The following DNAH7 variants were observed in gnomAD, a reference collection of about 807,000 sequenced individuals.
DNAH7 encodes dynein axonemal heavy chain 7.
Under a neutral mutation model 444.6 loss-of-function variants are expected in DNAH7, and 397 were observed. The observed-to-expected ratio is 0.89, with a 90% CI of 0.82 to 0.97. The LOEUF is 0.97. DNAH7 is among the 50% of genes least tolerant of loss of function. DNAH7 has a pLI of 0.00. For synonymous variants in DNAH7, 1,636 were observed against 1,624.4 expected (o/e 1.01, Z -0.17); for missense variants, 4,902 against 4,800.8 (o/e 1.02, Z -0.62).
intron 19 of DNAH7, among the ~76,000 whole-genome samples, chr2:195,939,840 T>C (rs939909904): frequency 7.9e-5 from 12 of 151,264 alleles, no homozygotes; most frequent in Non-Finnish European, 1.8e-4. Flanking sequence ...TCATAGAAAA[T>C]ACGGTTTTGT....
At chr2:195,888,757 C>T (rs773943420) in intron 32 of DNAH7, 42 bp downstream of exon 32, 2 of 1,567,598 alleles carry the variant, frequency 1.3e-6, no homozygotes, top group Non-Finnish European at 8.6e-7. Context: ...GCATTTATAA[C>T]ATTTTATAAT....
chr2:196,058,812 T>C (rs1310484905), intron 1 of DNAH7, among the ~76,000 whole-genome samples: 1 of 152,192 alleles, frequency 6.6e-6, no homozygotes, highest in Non-Finnish European at 1.5e-5. Flanking sequence ...CAGCTTCCCT[T>C]CTTGTAGAAA....
chr2:196,047,277 T>C, intron 5 of DNAH7, 75 bp downstream of exon 5: 1 of 1,322,298 alleles, frequency 7.6e-7, no homozygotes, highest in South Asian at 2.0e-5. Context: ...TGCACAGAAT[T>C]CTAATATTCT....
intron 19 of DNAH7, among the ~76,000 whole-genome samples, chr2:195,941,235 G>A (rs1689416338): frequency 6.6e-6 from 1 of 152,054 alleles, no homozygotes; most frequent in African/African-American, 2.4e-5. Context: ...CATAGATGAA[G>A]CTGGAAGCCA....
rs186115108 is a variant in DNAH7, at chr2:195,950,532, T to A, written c.3078+6729A>T. Among the ~76,000 whole-genome samples, 289 of 150,342 alleles carry A rather than the reference T, an allele frequency of 1.9e-3. 1 individual carries two copies. Among genetic ancestry groups the A allele is most frequent in the African/African-American group, 6.8e-3 (272 of 39,812 alleles). Reference sequence around the variant, plus strand: ...CTTCATTAGTCTGGCTAGCAGTCTATCTATTTTGTTAATCTTTCCAAAAAA... The same window carrying A: ...CTTCATTAGTCTGGCTAGCAGTCTAACTATTTTGTTAATCTTTCCAAAAAA... On this transcript the variant is annotated intron_variant, in intron 19 of 64. Coordinates refer to ENST00000312428, the MANE Select transcript of DNAH7 (RefSeq NM_018897.3).
Position 195,817,688 on chromosome 2 carries a change from T to C in DNAH7, c.9425+8A>G, listed in dbSNP as rs754864169. On this transcript the variant is annotated splice_region_variant and intron_variant, in intron 50 of 64. Coordinates refer to ENST00000312428, the MANE Select transcript of DNAH7 (RefSeq NM_018897.3). ...AATAAGAATAGTTCTGTTTATGACA[T>C]TTAAAACCTTTTATTTTCAGCTCCT... 4 of 1,600,606 alleles carry C rather than the reference T, an allele frequency of 2.5e-6. No individual in the cohort carries two copies. The highest frequency in any genetic ancestry group is 1.1e-5 in the South Asian group (1 of 87,946).
rs1301709242 is a variant in DNAH7, at chr2:196,025,943, A to C, written c.667+817T>G. ...ACTGGAGACGCTTTTTTTAAAGTAC[A>C]GATTCCAAGGCCCTGACTCCAGGGA... On this transcript the variant is annotated intron_variant, in intron 7 of 64. Transcript: ENST00000312428. Among the ~76,000 whole-genome samples the C allele has an allele frequency of 3.3e-5, 5 of 152,172 alleles. No individual in the cohort carries two copies. In the East Asian group the frequency reaches 9.6e-4, roughly 29 times the overall value.
chr2:195,900,085 A>G (rs918419514), intron 28 of DNAH7, among the ~76,000 whole-genome samples, 197 bp downstream of exon 28: 5 of 152,204 alleles, frequency 3.3e-5, no homozygotes, highest in Non-Finnish European at 5.9e-5. Flanking sequence ...TCAAATCACT[A>G]AGAATTACAC....
At chr2:195,941,370 G>A (rs768982887) in intron 19 of DNAH7, among the ~76,000 whole-genome samples, 4 of 151,018 alleles carry the variant, frequency 2.6e-5, no homozygotes, top group East Asian at 1.9e-4. Context: ...GGGGCCTGTC[G>A]GGGGTTGGGG....
intron 36 of DNAH7, among the ~76,000 whole-genome samples, chr2:195,879,526 T>C (rs1244625847): frequency 6.6e-6 from 1 of 152,184 alleles, no homozygotes; most frequent in Non-Finnish European, 1.5e-5. Context: ...ATTTATGTTT[T>C]CATAAGCTAT....
At position 195,900,503 on chromosome 2, in the gene DNAH7, A is replaced by AG. The variant is rs1686635145; in HGVS notation, c.4336-10dup. Reference sequence around the variant, plus strand: ...ACTGTCCGAAAGAGAGCCTATGGGTAGGTAGAAAGTTACTTTTAAAAGGAT... The same window carrying AG: ...ACTGTCCGAAAGAGAGCCTATGGGTAGGGTAGAAAGTTACTTTTAAAAGGAT... On this transcript the variant is annotated splice_polypyrimidine_tract_variant and intron_variant, in intron 27 of 64. Transcript: ENST00000312428. The AG allele has an allele frequency of 2.5e-6, 4 of 1,612,004 alleles. No individual in the cohort carries two copies. The African/African-American group carries it at 4.0e-5, about 16-fold the overall frequency.
chr2:195,747,063 G>GT (rs1381217923), intron 63 of DNAH7, among the ~76,000 whole-genome samples: 4 of 152,102 alleles, frequency 2.6e-5, no homozygotes, highest in Admixed American at 6.6e-5. Flanking sequence ...CCAGGAGCTG[G>GT]TTTTTTTGAA....
intron 49 of DNAH7, among the ~76,000 whole-genome samples, chr2:195,823,235 A>T (rs1697556417): frequency 6.6e-6 from 1 of 152,208 alleles, no homozygotes; most frequent in East Asian, 1.9e-4. Flanking sequence ...CTGTTTTTAA[A>T]ATTAAGTTCA....
At chr2:195,850,300 G>GGA (rs201897346) in intron 46 of DNAH7, among the ~76,000 whole-genome samples, 223 of 151,532 alleles carry the variant, frequency 1.5e-3, no homozygotes, top group African/African-American at 4.8e-3. Context: ...AAAAAAAAGG[G>GGA]GAGAGAGAGA....
intron 10 of DNAH7, among the ~76,000 whole-genome samples, chr2:196,007,003 T>G (rs1227145717): frequency 1.3e-5 from 2 of 152,216 alleles, no homozygotes; most frequent in Non-Finnish European, 2.9e-5. Flanking sequence ...ATTGAAAGAC[T>G]TAACATTATT....
rs544945056 is a variant in DNAH7 at position 195,778,261 on chromosome 2, T to C, written c.10879-276A>G. 4.6e-5 allele frequency among the ~76,000 whole-genome samples: 7 copies of C among 152,184 alleles called. No homozygotes were observed. In the East Asian group the frequency reaches 1.4e-3, roughly 29 times the overall value. On this transcript the variant is annotated intron_variant, in intron 58 of 64. Coordinates refer to ENST00000312428, the MANE Select transcript of DNAH7 (RefSeq NM_018897.3). Reference sequence around the variant, plus strand: ...CAACCAAAATTATTTCAACACCTACTATGTGCCAGATACGAATGAATTAGA... The same window carrying C: ...CAACCAAAATTATTTCAACACCTACCATGTGCCAGATACGAATGAATTAGA...
intron 24 of DNAH7, among the ~76,000 whole-genome samples, chr2:195,912,671 G>T (rs978993129): frequency 6.6e-6 from 1 of 152,198 alleles, no homozygotes; most frequent in African/African-American, 2.4e-5. Context: ...GGAAGATCTG[G>T]CACATCTGGG....
At chr2:196,060,858 T>C (rs1472193682) in intron 1 of DNAH7, among the ~76,000 whole-genome samples, 1 of 152,230 alleles carries the variant, frequency 6.6e-6, no homozygotes, top group East Asian at 1.9e-4. Flanking sequence ...TCCTGAATAC[T>C]GTCTTCACTC....
intron 5 of DNAH7, among the ~76,000 whole-genome samples, chr2:196,030,895 CA>C (rs1696011977): frequency 6.6e-6 from 1 of 152,218 alleles, no homozygotes; most frequent in African/African-American, 2.4e-5. Context: ...CTTTTCCAGG[CA>C]AACGGTGCAA....
Sources: gnomAD v4.1 joint callset for allele counts (sites outside exome capture counted in the v4.1 genomes callset) on GRCh38, gnomAD v4.1.1 for gene constraint, MANE v1.5 for transcripts, NCBI Gene and HGNC (gene_info 2026-07-23, HGNC 2026-07-21) for gene names.